The following COL4A4 variants were observed in gnomAD, a reference collection of about 807,000 sequenced individuals.
The protein encoded by COL4A4 is collagen alpha-4(IV) chain.
A neutral mutation model predicts 192.9 loss-of-function variants in COL4A4; 105 were observed. The observed-to-expected ratio is 0.54, with a 90% CI of 0.46 to 0.64. The LOEUF (loss-of-function observed/expected upper bound fraction) is 0.64. COL4A4 is among the 30% of genes least tolerant of loss of function. The probability of loss-of-function intolerance (pLI) is 0.00; values close to 1 mark genes in which losing one functional copy is unlikely to be tolerated. For synonymous variants in COL4A4, 762 were observed against 769.9 expected (o/e 0.99, Z 0.17); for missense variants, 1,967 against 2,169.3 (o/e 0.91, Z 1.85).
At chr2:227,050,195 A>C (rs1973779267) in intron 33 of COL4A4, 64 bp from the exon 34 acceptor site, 1 of 1,411,712 alleles carries the variant, frequency 7.1e-7, no homozygotes, top group Non-Finnish European at 1.0e-6. Context: ...CATGCACAAC[A>C]CGATCCAGTT....
downstream of COL4A4, among the ~76,000 whole-genome samples, chr2:226,999,766 G>A (rs77509450): frequency 2.0e-5 from 3 of 152,232 alleles, no homozygotes; most frequent in East Asian, 5.8e-4. Flanking sequence ...TGGAATCTGG[G>A]ACACACACAA....
chr2:227,031,816 C>A, intron 40 of COL4A4, 129 bp downstream of exon 40: 1 of 752,934 alleles, frequency 1.3e-6, no homozygotes, highest in Non-Finnish European at 2.4e-6. Context: ...TCCCACTTAT[C>A]GACCTGCCAA....
chr2:227,131,826 G>A (rs1274264253), intron 4 of COL4A4, among the ~76,000 whole-genome samples: 1 of 152,144 alleles, frequency 6.6e-6, no homozygotes, highest in Admixed American at 6.5e-5. Context: ...AGGAGCAGGC[G>A]ATGTGAAGAC....
intron 7 of COL4A4, among the ~76,000 whole-genome samples, chr2:227,117,414 G>T (rs2061546053): frequency 6.6e-6 from 1 of 152,196 alleles, no homozygotes; most frequent in Non-Finnish European, 1.5e-5. Flanking sequence ...GTAAAGGATG[G>T]TTGAAAAACT....
At chr2:226,987,830 C>T in the COL4A4 span, among the ~76,000 whole-genome samples, 1 of 152,206 alleles carries the variant, frequency 6.6e-6, no homozygotes, top group African/African-American at 2.4e-5. Context: ...TCCTGGGCTC[C>T]AACCACCACT....
In COL4A4 at chr2:227,034,809, A is replaced by G. The variant is rs1969268515; in HGVS notation, c.3506-1328T>C. ...TCAATTCCCACCTATGAGTGAGAAT[A>G]TGTGGTGTTTGGTTTTTTGTTCTTG... On this transcript the variant is annotated intron_variant, in intron 37 of 47. Transcript: ENST00000396625. Among the ~76,000 whole-genome samples the G allele has an allele frequency of 1.4e-5, 2 of 142,498 alleles. 1 individual carries two copies. The highest frequency in any genetic ancestry group is 4.5e-4 in the South Asian group (2 of 4,474). 93.5% of individuals were successfully genotyped at this position (142,498 alleles called of 152,430 possible).
chr2:227,060,056 A>T (rs550324735), intron 27 of COL4A4, 80 bp downstream of exon 27: 3 of 910,744 alleles, frequency 3.3e-6, no homozygotes, highest in African/African-American at 1.7e-5. Flanking sequence ...GAAATTATCC[A>T]TCGGTAGAAA....
At chr2:227,039,730 C>T (rs184451528) in intron 37 of COL4A4, among the ~76,000 whole-genome samples, 1 of 152,176 alleles carries the variant, frequency 6.6e-6, no homozygotes, top group African/African-American at 2.4e-5. Flanking sequence ...AACTGTCTTC[C>T]GGACACAAAA....
chr2:227,012,303 C>T lies in COL4A4; in HGVS notation c.4217-6G>A, dbSNP rs746089801. The T allele has an allele frequency of 4.3e-6, 7 of 1,611,818 alleles. No individual in the cohort carries two copies. In the African/African-American group the frequency reaches 6.7e-5, roughly 15 times the overall value. On this transcript the variant is annotated splice_region_variant and splice_polypyrimidine_tract_variant and intron_variant, in intron 44 of 47. Coordinates refer to ENST00000396625, the MANE Select transcript of COL4A4 (RefSeq NM_000092.5). ...CCCAGGCTCTCCTTTGCACCCTGCA[C>T]AAAAGTTTATGATGCTGGTGGTGAA... is the stretch of plus-strand genomic sequence containing the variant.
At chr2:227,025,694 T>C (rs1966840073) in intron 43 of COL4A4, 108 bp downstream of exon 43, 2 of 1,031,260 alleles carry the variant, frequency 1.9e-6, no homozygotes, top group Non-Finnish European at 1.5e-6. Context: ...ACCCCATCTA[T>C]AAAAATGTAA....
Position 227,010,584 on chromosome 2 carries a change from G to A in COL4A4, c.4334-83C>T, listed in dbSNP as rs555547833. ...TGTTAAGCACCTCTGTTCTGGCACT[G>A]TGCTAAGCACTCAGGGAGCAGAGGG... On this transcript the variant is annotated intron_variant, in intron 45 of 47. Coordinates refer to ENST00000396625, the MANE Select transcript of COL4A4 (RefSeq NM_000092.5). 1.6e-5 allele frequency: 19 copies of A among 1,197,302 alleles called. 1 individual carries two copies. The South Asian group carries it at 2.2e-4, about 14-fold the overall frequency. 74.2% of individuals were successfully genotyped at this position (1,197,302 alleles called of 1,614,324 possible).
intron 25 of COL4A4, among the ~76,000 whole-genome samples, chr2:227,067,172 C>T (rs538066928): frequency 9.9e-5 from 15 of 152,128 alleles, no homozygotes; most frequent in African/African-American, 3.6e-4. Context: ...GCTAACTATC[C>T]TAAATATATA....
chr2:227,112,429 C>T (rs2061266659), intron 8 of COL4A4, among the ~76,000 whole-genome samples: 1 of 152,084 alleles, frequency 6.6e-6, no homozygotes. Context: ...CCACCATGCC[C>T]AGCTAATTTT....
At position 227,147,439 on chromosome 2, in the gene COL4A4, C is replaced by A; in HGVS notation, c.45G>T (p.Leu15Phe). 1 of 1,613,794 alleles carries A rather than the reference C, an allele frequency of 6.2e-7. No homozygotes were observed. Among genetic ancestry groups the A allele is most frequent in the South Asian group, 1.1e-5 (1 of 91,048 alleles). ...HIVLMRCSFR[L>F]TKSLATGPWS... is the part of the protein sequence containing the mutation. ...AGGGACCTGTGGCCAAGGACTTGGT[C>A]AATCTGAAGGAGCACCTCATTAGTA... Residue 15 changes from leucine (L) to phenylalanine (F), a missense_variant, in exon 2 of 48, where the codon TTG becomes TTT. Coordinates refer to ENST00000396625, the MANE Select transcript of COL4A4 (RefSeq NM_000092.5).
the COL4A4 span, among the ~76,000 whole-genome samples, chr2:226,982,744 G>T: frequency 6.6e-6 from 1 of 152,174 alleles, no homozygotes; most frequent in African/African-American, 2.4e-5. Context: ...CCCTAATGGT[G>T]TGTTAGCTTG....
chr2:227,011,289 A>G (rs1575723435), intron 45 of COL4A4, among the ~76,000 whole-genome samples: 1 of 152,058 alleles, frequency 6.6e-6, no homozygotes, highest in Non-Finnish European at 1.5e-5. Context: ...GGCTCTCCCC[A>G]TCTACACTGT....
At chr2:227,115,732 T>C (rs1362259927) in intron 7 of COL4A4, among the ~76,000 whole-genome samples, 1 of 152,228 alleles carries the variant, frequency 6.6e-6, no homozygotes, top group African/African-American at 2.4e-5. Flanking sequence ...CAGCATAAGG[T>C]TAAATTGCAT....
chr2:227,120,781 A>G, intron 5 of COL4A4: 1 of 495,646 alleles, frequency 2.0e-6, no homozygotes, highest in Non-Finnish European at 3.7e-6. Context: ...CTACTAAAAA[A>G]TACAAAAATT....
intron 4 of COL4A4, among the ~76,000 whole-genome samples, chr2:227,132,883 G>C (rs1256944053): frequency 2.0e-5 from 3 of 152,206 alleles, no homozygotes; most frequent in Admixed American, 2.0e-4. Flanking sequence ...TGTTTGAAAG[G>C]AGAAATTTGC....
Sources: gnomAD v4.1 joint callset for allele counts (sites outside exome capture counted in the v4.1 genomes callset) on GRCh38, gnomAD v4.1.1 for gene constraint, MANE v1.5 for transcripts, NCBI Gene and HGNC (gene_info 2026-07-23, HGNC 2026-07-21) for gene names.